The following GSDME variants were observed in gnomAD, a reference collection of about 807,000 sequenced individuals.
GSDME encodes gasdermin E.
GSDME carries 44 observed loss-of-function variants against 47.5 expected under a neutral mutation model. The observed-to-expected ratio is 0.93, with a 90% CI of 0.73 to 1.19. The LOEUF is 1.19. GSDME is among the 50% of genes most tolerant of loss of function. The pLI is 0.00. For synonymous variants in GSDME, 258 were observed against 252.8 expected, an observed-to-expected ratio of 1.02 and a Z score of -0.20; for missense variants, 663 against 604.2, an observed-to-expected ratio of 1.10 and a Z score of -1.02.
chr7:24,769,242 G>A, the GSDME span, among the ~76,000 whole-genome samples: 4 of 152,176 alleles, frequency 2.6e-5, no homozygotes, highest in Non-Finnish European at 5.9e-5. Context: ...GCTTGCATGG[G>A]AAACCCTGAA....
intron 3 of GSDME, among the ~76,000 whole-genome samples, chr7:24,738,733 T>C (rs376038555): frequency 1.3e-5 from 2 of 152,316 alleles, no homozygotes; most frequent in South Asian, 2.1e-4. Flanking sequence ...TTTCAAATTA[T>C]ACTGCAGAGC....
At chr7:24,780,488 C>A in the GSDME span, among the ~76,000 whole-genome samples, 1 of 152,116 alleles carries the variant, frequency 6.6e-6, no homozygotes, top group African/African-American at 2.4e-5. This position sits in a 1 kb window ranked among gnomAD's most constrained non-coding sequence, Gnocchi z 4.1. Context: ...CTGTTTTCTG[C>A]CCTTCTCTGT....
At chr7:24,746,290 G>C (rs895584286) in intron 2 of GSDME, among the ~76,000 whole-genome samples, 4 of 152,160 alleles carry the variant, frequency 2.6e-5, no homozygotes, top group Non-Finnish European at 4.4e-5. Flanking sequence ...GCCTTGGGAA[G>C]AAGGGCAGAG....
At chr7:24,722,646 C>T (rs183352191) in intron 3 of GSDME, among the ~76,000 whole-genome samples, 4 of 152,308 alleles carry the variant, frequency 2.6e-5, no homozygotes, top group Non-Finnish European at 2.9e-5. Flanking sequence ...CCCTCCTACC[C>T]GCCCTAAACA....
intron 1 of GSDME, among the ~76,000 whole-genome samples, chr7:24,755,625 A>C (rs1030090338): frequency 6.6e-6 from 1 of 152,172 alleles, no homozygotes; most frequent in East Asian, 1.9e-4. Context: ...CTTTGACTGG[A>C]GGGGATTGAA....
rs190403362 is a variant in GSDME at position 24,707,531 on chromosome 7, T to C, written c.990+596A>G. On this transcript the variant is annotated intron_variant, in intron 7 of 9. Coordinates refer to ENST00000645220, the MANE Select transcript of GSDME (RefSeq NM_001127453.2). Reference sequence around the variant, plus strand: ...GACCCCCTTGCAGTAGTCTGAGTAGTGGCCCACCAACATATGTTACCTGGA... The same window carrying C: ...GACCCCCTTGCAGTAGTCTGAGTAGCGGCCCACCAACATATGTTACCTGGA... The C allele has an allele frequency of 7.2e-5, 30 of 419,192 alleles. No individual in the cohort carries two copies. The East Asian group carries it at 2.2e-3, about 30-fold the overall frequency. The allele number at this position is 419,192 out of a possible 1,614,324, so 26.0% of individuals were successfully genotyped here. A position where few individuals can be genotyped will look rare whatever the true frequency, so the allele number is the denominator to read the frequency against.
At chr7:24,777,071 T>G in the GSDME span, among the ~76,000 whole-genome samples, 1 of 152,110 alleles carries the variant, frequency 6.6e-6, no homozygotes, top group African/African-American at 2.4e-5. Context: ...TTTCTAAAAG[T>G]AACGAATTAC....
At chr7:24,785,002 A>T in the GSDME span, among the ~76,000 whole-genome samples, 1 of 152,130 alleles carries the variant, frequency 6.6e-6, no homozygotes, top group African/African-American at 2.4e-5. Flanking sequence ...AATACTTTGC[A>T]CCCTTCCATC....
Position 24,702,957 on chromosome 7 carries a change from C to T in GSDME, c.1184-124G>A, listed in dbSNP as rs66851582. The T allele has an allele frequency of 0.11, 85,396 of 763,094 alleles. 6,146 individuals are homozygous for T. The highest frequency in any genetic ancestry group is 0.14 in the Non-Finnish European group (63,149 of 451,956). The allele number at this position is 763,094 out of a possible 1,614,324, so 47.3% of individuals were successfully genotyped here. ...CCGCCAGCCAGGCAGGGGAGGTACT[C>T]AGCAGTTGCTGAGTTAGTGAATGAA... On this transcript the variant is annotated intron_variant, in intron 8 of 9. Coordinates refer to ENST00000645220, the MANE Select transcript of GSDME (RefSeq NM_001127453.2).
At chr7:24,708,756 T>G (rs1188822636) in intron 6 of GSDME, among the ~76,000 whole-genome samples, 1 of 152,234 alleles carries the variant, frequency 6.6e-6, no homozygotes, top group East Asian at 1.9e-4. Flanking sequence ...GGCACCCTAT[T>G]TTCATGGCAA....
chr7:24,782,964 A>C, the GSDME span, among the ~76,000 whole-genome samples: 1 of 152,242 alleles, frequency 6.6e-6, no homozygotes, highest in Non-Finnish European at 1.5e-5. Flanking sequence ...ACCAAAACAA[A>C]AAAATAGAGG....
intron 7 of GSDME, 27 bp downstream of exon 7, chr7:24,708,100 A>C (rs1247446993): frequency 1.4e-5 from 23 of 1,613,072 alleles, no homozygotes; most frequent in Non-Finnish European, 1.7e-5. Flanking sequence ...CAGTGAAAAC[A>C]CTGCCTTGAG....
Position 24,739,324 on chromosome 7 carries a change from T to C in GSDME, c.404+5238A>G, listed in dbSNP as rs959623828. On this transcript the variant is annotated intron_variant, in intron 3 of 9. Transcript: ENST00000645220. This position sits in a 1 kb window ranked among gnomAD's most constrained non-coding sequence, Gnocchi z 5.1. ...GTTAAAAATGGGCAAAAGATCTAAA[T>C]AGACATTTCTCAAAAGACGACATAC... is the stretch of plus-strand genomic sequence containing the variant. Among the ~76,000 whole-genome samples, 4 of 152,100 alleles carry C rather than the reference T, an allele frequency of 2.6e-5. No homozygotes were observed. Among genetic ancestry groups the C allele is most frequent in the African/African-American group, 9.7e-5 (4 of 41,416 alleles).
chr7:24,741,975 T>C (rs1203210924), intron 3 of GSDME, among the ~76,000 whole-genome samples: 1 of 152,148 alleles, frequency 6.6e-6, no homozygotes, highest in Non-Finnish European at 1.5e-5. Context: ...CTTTGGGTTC[T>C]AGTCCTTGTA....
intron 2 of GSDME, among the ~76,000 whole-genome samples, chr7:24,748,168 A>AT (rs1366320411): frequency 0.014 from 1,586 of 117,462 alleles, 28 homozygotes; most frequent in East Asian, 0.11. Context: ...ATATATATAT[A>AT]TTTTTTTTTG....
chr7:24,747,763 G>A (rs1790714141), intron 2 of GSDME, among the ~76,000 whole-genome samples: 2 of 152,216 alleles, frequency 1.3e-5, no homozygotes, highest in East Asian at 1.9e-4. Flanking sequence ...AACCCCCTGG[G>A]TTCAAGCGAT....
chr7:24,790,958 A>G, the GSDME span, among the ~76,000 whole-genome samples: 1 of 152,182 alleles, frequency 6.6e-6, no homozygotes, highest in South Asian at 2.1e-4. This position sits in a 1 kb window ranked among gnomAD's most constrained non-coding sequence, Gnocchi z 4.1. Flanking sequence ...AAATTTAAGG[A>G]AAATAAATCC....
intron 3 of GSDME, among the ~76,000 whole-genome samples, chr7:24,727,882 G>T: frequency 6.6e-6 from 1 of 152,292 alleles, no homozygotes; most frequent in Admixed American, 6.5e-5. Context: ...GGAGAGCAGC[G>T]CTCAAACCAC....
At chr7:24,790,222 T>C in the GSDME span, among the ~76,000 whole-genome samples, 23 of 152,330 alleles carry the variant, frequency 1.5e-4, 1 homozygote, top group African/African-American at 5.3e-4. The surrounding 1 kb of genome is among the most constrained non-coding windows in gnomAD (Gnocchi z 4.1). Flanking sequence ...TGGGCCAGAA[T>C]AGTCAAGGCT....
Sources: gnomAD v4.1 joint callset for allele counts (sites outside exome capture counted in the v4.1 genomes callset) on GRCh38, gnomAD v4.1.1 for gene constraint, Gnocchi (gnomAD v3.1) non-coding constraint, MANE v1.5 for transcripts, NCBI Gene and HGNC (gene_info 2026-07-23, HGNC 2026-07-21) for gene names.